The following SLCO5A1 variants were observed in gnomAD, a reference collection of about 807,000 sequenced individuals.
SLCO5A1 encodes solute carrier organic anion transporter family member 5A1.
In SLCO5A1, 39 loss-of-function variants were observed where a neutral mutation model predicts 65.1. The observed-to-expected ratio is 0.60, with a 90% CI of 0.46 to 0.78. SLCO5A1 has a LOEUF of 0.78. SLCO5A1 is among the 30% of genes least tolerant of loss of function. SLCO5A1 has a pLI of 0.00. For synonymous variants in SLCO5A1, 438 were observed against 415.7 expected, an observed-to-expected ratio of 1.05 and a Z score of -0.65; for missense variants, 1,029 against 1,069.4, an observed-to-expected ratio of 0.96 and a Z score of 0.53.
intron 2 of SLCO5A1, among the ~76,000 whole-genome samples, chr8:69,780,392 G>A (rs190126569): frequency 8.9e-4 from 136 of 152,276 alleles, no homozygotes; most frequent in Middle Eastern, 3.4e-3. Context: ...GCAAAGATAC[G>A]GAATCAACCA....
intron 5 of SLCO5A1, among the ~76,000 whole-genome samples, chr8:69,722,585 C>T (rs1815875980): frequency 6.6e-6 from 1 of 152,172 alleles, no homozygotes; most frequent in Non-Finnish European, 1.5e-5. Context: ...GGACAAAAAT[C>T]TGATTTCAAA....
chr8:69,751,947 A>C (rs1180346209), intron 4 of SLCO5A1, among the ~76,000 whole-genome samples: 3 of 152,168 alleles, frequency 2.0e-5, no homozygotes, highest in Admixed American at 6.5e-5. Flanking sequence ...TAAAGACCAA[A>C]AAGCCAAGCG....
intron 4 of SLCO5A1, among the ~76,000 whole-genome samples, chr8:69,741,524 C>G (rs896791033): frequency 1.3e-5 from 2 of 152,150 alleles, no homozygotes; most frequent in African/African-American, 4.8e-5. Context: ...TACATAGCCT[C>G]AAAATATTTC....
chr8:69,676,958 TCTAA>T (rs148629938), intron 8 of SLCO5A1, among the ~76,000 whole-genome samples: 15 of 152,314 alleles, frequency 9.8e-5, no homozygotes, highest in African/African-American at 3.6e-4. Flanking sequence ...CTGGAATGCC[TCTAA>T]CTGAGCTTCC....
At chr8:69,774,017 T>G (rs886402674) in intron 2 of SLCO5A1, among the ~76,000 whole-genome samples, 3 of 152,256 alleles carry the variant, frequency 2.0e-5, no homozygotes, top group African/African-American at 7.2e-5. Flanking sequence ...TATATATTTG[T>G]TCATTATCTG....
rs541029963 is a variant in SLCO5A1, at chr8:69,705,183, G to A, written c.1470C>T (p.Gly490=). Residue 490 remains glycine (G), a synonymous_variant, in exon 6 of 10, where the codon GGC becomes GGT. Coordinates refer to ENST00000260126, the MANE Select transcript of SLCO5A1 (RefSeq NM_030958.3). ...CAAGTTTCAATTTTTTTATAATGTA[G>A]CCTCCGAGGACAATACCAACACCAG... The part of the protein sequence containing the change: ...PSAGVGIVLG[G]YIIKKLKLGA... The A allele has an allele frequency of 2.0e-5, 32 of 1,614,108 alleles. No homozygotes were observed. In the South Asian group the frequency reaches 3.3e-4, roughly 17 times the overall value.
intron 2 of SLCO5A1, chr8:69,794,361 C>A: frequency 2.3e-6 from 1 of 429,998 alleles, no homozygotes; most frequent in South Asian, 2.0e-5. Flanking sequence ...CATAACTGCT[C>A]TCCTACTATT....
chr8:69,832,736 C>T lies in SLCO5A1; in HGVS notation c.-63G>A. 1 of 1,516,014 alleles carries T rather than the reference C, an allele frequency of 6.6e-7. No homozygotes were observed. The highest frequency in any genetic ancestry group is 8.8e-7 in the Non-Finnish European group (1 of 1,137,824). 93.9% of individuals were successfully genotyped at this position (1,516,014 alleles called of 1,614,324 possible). ...AAGCACTCCGGCACGTTTCATCCAC[C>T]GGCACGAGGGGCCGAAGCCGGGCCC... On this transcript the variant is annotated 5_prime_UTR_variant, in exon 2 of 10. Transcript: ENST00000260126. This position sits in a 1 kb window ranked among gnomAD's most constrained non-coding sequence, Gnocchi z 4.5.
chr8:69,708,819 A>G (rs947044940), intron 5 of SLCO5A1, among the ~76,000 whole-genome samples: 1 of 152,130 alleles, frequency 6.6e-6, no homozygotes, highest in African/African-American at 2.4e-5. Flanking sequence ...CAGGAGAATT[A>G]TTGCTTGATC....
chr8:69,762,117 GTT>G (rs1358507667), intron 2 of SLCO5A1, among the ~76,000 whole-genome samples: 2 of 148,278 alleles, frequency 1.3e-5, no homozygotes. Flanking sequence ...CTTTTGTTTT[GTT>G]TTCTTTCTTT....
intron 2 of SLCO5A1, among the ~76,000 whole-genome samples, chr8:69,768,998 C>G (rs1350223149): frequency 6.6e-6 from 1 of 152,206 alleles, no homozygotes; most frequent in Non-Finnish European, 1.5e-5. Context: ...AGTCGGCACA[C>G]TGACATCTTC....
intron 2 of SLCO5A1, among the ~76,000 whole-genome samples, chr8:69,766,784 A>G (rs957734673): frequency 3.9e-5 from 6 of 152,246 alleles, no homozygotes; most frequent in Admixed American, 1.3e-4. Flanking sequence ...GTCTTCCCCA[A>G]CTGGAACATA....
chr8:69,707,890 T>C (rs1307710874), intron 5 of SLCO5A1, among the ~76,000 whole-genome samples: 6 of 152,294 alleles, frequency 3.9e-5, no homozygotes, highest in African/African-American at 1.2e-4. Context: ...TGTAGACTTG[T>C]TGATTGTGAA....
chr8:69,760,738 A>G (rs1341968180), intron 3 of SLCO5A1, among the ~76,000 whole-genome samples: 1 of 152,222 alleles, frequency 6.6e-6, no homozygotes, highest in Non-Finnish European at 1.5e-5. Context: ...ATAACTTATC[A>G]TGTTCAAGTT....
At chr8:69,803,520 A>T (rs945937286) in intron 2 of SLCO5A1, among the ~76,000 whole-genome samples, 4 of 151,984 alleles carry the variant, frequency 2.6e-5, no homozygotes, top group African/African-American at 9.7e-5. Flanking sequence ...ACGCCACTGC[A>T]CTCTGTCTCA....
rs5892215 is a variant in SLCO5A1, at chr8:69,667,287, A to AACACACAC, written c.*5574_*5581dup. On this transcript the variant is annotated 3_prime_UTR_variant, in exon 10 of 10. Transcript: ENST00000260126. ...TCATCACAAACATACCTCTACACAA[A>AACACACAC]ACACACACACACACACACAAACACA... 1 of 150,362 alleles carries AACACACAC rather than the reference A, an allele frequency of 6.7e-6. No individual in the cohort carries two copies. The highest frequency in any genetic ancestry group is 6.6e-5 in the Admixed American group (1 of 15,078). The allele number at this position is 150,362 out of a possible 1,614,324, so 9.3% of individuals were successfully genotyped here.
intron 2 of SLCO5A1, among the ~76,000 whole-genome samples, chr8:69,762,642 T>C (rs1817852082): frequency 6.6e-6 from 1 of 152,102 alleles, no homozygotes; most frequent in South Asian, 2.1e-4. Context: ...AAAAAGTAGG[T>C]TTCACTCATC....
intron 2 of SLCO5A1, among the ~76,000 whole-genome samples, chr8:69,795,529 T>C (rs1337177356): frequency 2.0e-5 from 3 of 152,208 alleles, no homozygotes; most frequent in Non-Finnish European, 4.4e-5. Flanking sequence ...ATGCAAGGGG[T>C]GGGCTCCCAA....
Position 69,832,441 on chromosome 8 carries a change from G to T in SLCO5A1, c.233C>A (p.Pro78Gln). The change falls in exon 2 of 10, where the codon CCG (proline) becomes CAG (glutamine). Residue 78 changes from proline (P) to glutamine (Q), a missense_variant. This residue lies in a region of SLCO5A1 where 647 missense variants were observed against 647.5 expected (regional missense o/e 1.00). Transcript: ENST00000260126. The surrounding 1 kb of genome is among the most constrained non-coding windows in gnomAD (Gnocchi z 4.5). ...GHQELKQGPN[P>Q]LAPSPSAPST... ...CGGGGCAGAGGGACTGGGGGCCAAC[G>T]GGTTCGGGCCTTGCTTCAACTCCTG... 2 of 1,613,078 alleles carry T rather than the reference G, an allele frequency of 1.2e-6. No homozygotes were observed. The highest frequency in any genetic ancestry group is 8.5e-7 in the Non-Finnish European group (1 of 1,179,636).
Sources: gnomAD v4.1 joint callset for allele counts (sites outside exome capture counted in the v4.1 genomes callset) on GRCh38, gnomAD v4.1.1 for gene constraint, gnomAD v4.1.1 regional missense constraint, Gnocchi (gnomAD v3.1) non-coding constraint, MANE v1.5 for transcripts, NCBI Gene and HGNC (gene_info 2026-07-23, HGNC 2026-07-21) for gene names.